RIMBP2: variants seen among roughly 807,000 people sequenced by gnomAD.
The protein encoded by RIMBP2 is RIMS-binding protein 2.
Under a neutral mutation model 118.6 loss-of-function variants are expected in RIMBP2, and 48 were observed. That is an observed-to-expected ratio of 0.40 (90% CI 0.32 to 0.51). The LOEUF is 0.51. RIMBP2 is among the 20% of genes least tolerant of loss of function. RIMBP2 has a pLI of 0.41. For synonymous variants in RIMBP2, 762 were observed against 742.9 expected (o/e 1.03, Z -0.42); for missense variants, 1,551 against 1,768.3 (o/e 0.88, Z 2.20).
chr12:130,639,718 T>G (rs1372307428), intron 1 of RIMBP2, among the ~76,000 whole-genome samples: 3 of 152,104 alleles, frequency 2.0e-5, no homozygotes, highest in Non-Finnish European at 4.4e-5. Flanking sequence ...AGTCCCCGAA[T>G]GGCACCTGGC....
At chr12:130,494,611 C>G (rs766776221) in intron 4 of RIMBP2, among the ~76,000 whole-genome samples, 1 of 149,424 alleles carries the variant, frequency 6.7e-6, no homozygotes, top group Non-Finnish European at 1.5e-5. Flanking sequence ...TGCACTCCAG[C>G]CTGGGCAACA....
chr12:130,665,406 T>C (rs2063873112), intron 1 of RIMBP2, among the ~76,000 whole-genome samples: 1 of 151,278 alleles, frequency 6.6e-6, no homozygotes, highest in Non-Finnish European at 1.5e-5. Flanking sequence ...GCACCTGTAG[T>C]CACAGCTACT....
At chr12:130,638,420 G>T (rs775877721) in intron 1 of RIMBP2, among the ~76,000 whole-genome samples, 1 of 152,174 alleles carries the variant, frequency 6.6e-6, no homozygotes, top group Non-Finnish European at 1.5e-5. Flanking sequence ...TCGGGGTCCC[G>T]AAGCCCCGAG....
At position 130,703,283 on chromosome 12, in the gene RIMBP2, C is replaced by A. The variant is rs974774952; in HGVS notation, c.-352+12939G>T. Among the ~76,000 whole-genome samples the A allele has an allele frequency of 2.0e-5, 3 of 152,270 alleles. No individual in the cohort carries two copies. Among genetic ancestry groups the A allele is most frequent in the South Asian group, 2.1e-4 (1 of 4,818 alleles). On this transcript the variant is annotated intron_variant, in intron 1 of 22. Transcript: ENST00000690449. The surrounding 1 kb of genome is among the most constrained non-coding windows in gnomAD (Gnocchi z 5.7). ...CGATTAACCTCCAGGCGGGCTCCCC[C>A]TCCGCCCTGGACATTTTCAGTTTCC...
At chr12:130,562,532 C>T (rs916399218) in intron 2 of RIMBP2, among the ~76,000 whole-genome samples, 1 of 152,172 alleles carries the variant, frequency 6.6e-6, no homozygotes, top group Non-Finnish European at 1.5e-5. Flanking sequence ...GAAGGAAGTA[C>T]AGGAGTACTT....
chr12:130,607,081 C>T (rs550469642), intron 2 of RIMBP2, among the ~76,000 whole-genome samples: 7 of 152,118 alleles, frequency 4.6e-5, no homozygotes, highest in Non-Finnish European at 7.4e-5. Context: ...CTACCCGCCT[C>T]GGCCTCCCAA....
chr12:130,605,474 A>C (rs2060128602), intron 2 of RIMBP2, among the ~76,000 whole-genome samples: 1 of 152,156 alleles, frequency 6.6e-6, no homozygotes, highest in Admixed American at 6.5e-5. Context: ...ATAACTAAAA[A>C]TTTTGAATAT....
At chr12:130,524,984 G>A (rs551471490) in intron 2 of RIMBP2, among the ~76,000 whole-genome samples, 111 of 152,304 alleles carry the variant, frequency 7.3e-4, no homozygotes, top group Non-Finnish European at 2.2e-4. Context: ...CGGTGGGAAT[G>A]CTCAGGGGAC....
Position 130,646,375 on chromosome 12 carries a change from C to T in RIMBP2, c.-351-17919G>A, listed in dbSNP as rs371997065. Among the ~76,000 whole-genome samples the T allele has an allele frequency of 1.2e-4, 16 of 130,876 alleles. 2 individuals are homozygous for T. The highest frequency in any genetic ancestry group is 2.1e-4 in the African/African-American group (7 of 33,254). The allele number at this position is 130,876 out of a possible 152,430, so 85.9% of individuals were successfully genotyped here. A position where few individuals can be genotyped will look rare whatever the true frequency, so the allele number is the denominator to read the frequency against. Reference sequence around the variant, plus strand: ...CCTCCCTCACCACCTCCCTCACCACCTCCCTCACCACCTCCCTCACCACCT... The same window carrying T: ...CCTCCCTCACCACCTCCCTCACCACTTCCCTCACCACCTCCCTCACCACCT... On this transcript the variant is annotated intron_variant, in intron 1 of 22. Coordinates refer to ENST00000690449, the MANE Select transcript of RIMBP2 (RefSeq NM_001393629.1).
At chr12:130,471,246 C>T (rs2080977507) in intron 5 of RIMBP2, among the ~76,000 whole-genome samples, 1 of 152,210 alleles carries the variant, frequency 6.6e-6, no homozygotes, top group Non-Finnish European at 1.5e-5. Context: ...CATCTGGGCC[C>T]CACAGAATAA....
chr12:130,662,954 T>G (rs1447487147), intron 1 of RIMBP2, among the ~76,000 whole-genome samples: 1 of 151,892 alleles, frequency 6.6e-6, no homozygotes, highest in Non-Finnish European at 1.5e-5. Context: ...AGACCCTGTC[T>G]AAAAAAAAGA....
intron 2 of RIMBP2, among the ~76,000 whole-genome samples, chr12:130,533,169 G>A (rs979499728): frequency 2.6e-5 from 4 of 151,748 alleles, no homozygotes; most frequent in East Asian, 1.9e-4. Context: ...TAGGAGTTAC[G>A]TCTAATGAGA....
chr12:130,536,624 G>A (rs1026008485), intron 2 of RIMBP2, among the ~76,000 whole-genome samples: 2 of 152,208 alleles, frequency 1.3e-5, no homozygotes, highest in Non-Finnish European at 2.9e-5. Context: ...GAGTATAGAA[G>A]TTGTTGCAGG....
At chr12:130,502,143 C>G (rs546566807) in intron 4 of RIMBP2, among the ~76,000 whole-genome samples, 9 of 152,282 alleles carry the variant, frequency 5.9e-5, no homozygotes, top group African/African-American at 2.2e-4. Context: ...CCCAGCCCAA[C>G]CAACCAAGAC....
chr12:130,592,557 C>T (rs1171208719), intron 2 of RIMBP2, among the ~76,000 whole-genome samples: 1 of 152,044 alleles, frequency 6.6e-6, no homozygotes, highest in Non-Finnish European at 1.5e-5. Flanking sequence ...GGCTCAGTGG[C>T]AGGCGCCTGT....
At chr12:130,404,870 A>G (rs891095212) in intron 21 of RIMBP2, among the ~76,000 whole-genome samples, 5 of 152,208 alleles carry the variant, frequency 3.3e-5, no homozygotes, top group Non-Finnish European at 5.9e-5. Context: ...GAGTAGTGTT[A>G]AAGTCCATAA....
chr12:130,465,039 A>C (rs2080331126), intron 6 of RIMBP2: 1 of 152,268 alleles, frequency 6.6e-6, no homozygotes, highest in Admixed American at 6.5e-5. Context: ...TCCACAATAG[A>C]CGCAAAACAC....
chr12:130,414,243 G>C lies in RIMBP2; in HGVS notation c.3302C>G (p.Ala1101Gly). Reference protein sequence around the residue: ...FYEESETDPGAEELPARIFVA... With the variant: ...FYEESETDPGGEELPARIFVA... ...AAAGATCCGGGCCGGGAGCTCTTCGGCACCAGGGTCAGTTTCTGACTCTTC... is the reference window on the plus strand; with the variant it reads ...AAAGATCCGGGCCGGGAGCTCTTCGCCACCAGGGTCAGTTTCTGACTCTTC... The change falls in exon 18 of 23, where the codon GCC becomes GGC. Residue 1101 changes from alanine (A) to glycine (G), a missense_variant. Ala to Gly is a moderately conservative substitution (Grantham distance 60, BLOSUM62 0). Coordinates refer to ENST00000690449, the MANE Select transcript of RIMBP2 (RefSeq NM_001393629.1). The C allele has an allele frequency of 6.2e-7, 1 of 1,613,898 alleles. No homozygotes were observed. The highest frequency in any genetic ancestry group is 8.5e-7 in the Non-Finnish European group (1 of 1,179,892).
rs1247836089 is a variant in RIMBP2 at position 130,447,247 on chromosome 12, G to A, written c.582-1978C>T. The stretch of plus-strand genomic sequence containing the variant: ...GAGGCCAAGAGGGAAGGTGAACACC[G>A]AGAAGGGTGGAAGAAGGTCCCTGGC... On this transcript the variant is annotated intron_variant, in intron 9 of 22. Coordinates refer to ENST00000690449, the MANE Select transcript of RIMBP2 (RefSeq NM_001393629.1). The surrounding 1 kb of genome is among the most constrained non-coding windows in gnomAD (Gnocchi z 4.4). Among the ~76,000 whole-genome samples, 2 of 152,044 alleles carry A rather than the reference G, an allele frequency of 1.3e-5. No homozygotes were observed. The highest frequency in any genetic ancestry group is 2.1e-4 in the South Asian group (1 of 4,802).
Sources: gnomAD v4.1 joint callset for allele counts (sites outside exome capture counted in the v4.1 genomes callset) on GRCh38, gnomAD v4.1.1 for gene constraint, Gnocchi (gnomAD v3.1) non-coding constraint, MANE v1.5 for transcripts, NCBI Gene and HGNC (gene_info 2026-07-23, HGNC 2026-07-21) for gene names.